The following FAM20C variants were observed in gnomAD, a reference collection of about 807,000 sequenced individuals.
FAM20C encodes extracellular serine/threonine protein kinase FAM20C.
Under a neutral mutation model 51.5 loss-of-function variants are expected in FAM20C, and 40 were observed. The ratio of observed to expected loss-of-function variants is 0.78; its 90% confidence interval spans 0.60 to 1.01. FAM20C has a LOEUF of 1.01. FAM20C is among the 50% of genes least tolerant of loss of function. The pLI is 0.00. For missense variants in FAM20C, 861 were observed against 844.7 expected (o/e 1.02, Z -0.24); for synonymous variants, 406 against 380.6 (o/e 1.07, Z -0.78).
chr7:212,715 G>A (rs558640085), intron 3 of FAM20C, among the ~76,000 whole-genome samples: 8 of 152,318 alleles, frequency 5.3e-5, no homozygotes, highest in South Asian at 2.1e-4. Context: ...TGAAAAGCAC[G>A]TAGCCGGCAC....
intron 2 of FAM20C, among the ~76,000 whole-genome samples, chr7:205,093 G>A (rs995103202): frequency 2.7e-4 from 41 of 152,216 alleles, no homozygotes; most frequent in Non-Finnish European, 5.9e-4. Context: ...AGGCACCACC[G>A]TACTCACCAG....
rs186754588 is a variant in FAM20C, at chr7:228,177, G to A, written c.864-18238G>A. 2.8e-4 allele frequency: 90 copies of A among 319,034 alleles called. 1 individual carries two copies. The highest frequency in any genetic ancestry group is 1.6e-3 in the African/African-American group (75 of 46,308). The allele number at this position is 319,034 out of a possible 1,614,324, so 19.8% of individuals were successfully genotyped here. On this transcript the variant is annotated intron_variant, in intron 3 of 9. Coordinates refer to ENST00000313766, the MANE Select transcript of FAM20C (RefSeq NM_020223.4). ...GAAACACCAGGGGGGAAAGCCATCC[G>A]CCTGGCATGGTTGTGATGAGGCCCG...
intron 3 of FAM20C, among the ~76,000 whole-genome samples, chr7:231,454 AG>A (rs958990447): frequency 6.6e-6 from 1 of 150,556 alleles, no homozygotes; most frequent in Non-Finnish European, 1.5e-5. Context: ...CCGTGGGAGG[AG>A]GGTCCCGGCG....
intron 3 of FAM20C, among the ~76,000 whole-genome samples, chr7:235,687 C>T (rs1054720493): frequency 0.033 from 5,050 of 152,302 alleles, 123 homozygotes; most frequent in Middle Eastern, 0.1. Flanking sequence ...CTGGAGCAGC[C>T]GGTCAGCTCA....
intron 3 of FAM20C, among the ~76,000 whole-genome samples, chr7:245,628 A>C (rs1308210378): frequency 6.6e-6 from 1 of 152,216 alleles, no homozygotes; most frequent in Non-Finnish European, 1.5e-5. Flanking sequence ...TTACACACTT[A>C]TGCTCAGACA....
At position 193,572 on chromosome 7, in the gene FAM20C, G is replaced by T; in HGVS notation, c.373G>T (p.Asp125Tyr). The T allele has an allele frequency of 6.7e-7, 1 of 1,500,226 alleles. No homozygotes were observed. 92.9% of individuals were successfully genotyped at this position (1,500,226 alleles called of 1,614,324 possible). Residue 125 changes from aspartate (D) to tyrosine (Y), a missense_variant, in exon 1 of 10, where the codon GAT becomes TAT. Asp to Tyr is a radical substitution (Grantham distance 160). Transcript: ENST00000313766. ...EPAERALRGR[D>Y]PGALRPHDPA... ...GGCCGAGCGCGCCTTGCGGGGGCGGGATCCCGGCGCCCTAAGACCCCACGA... is the reference window on the plus strand; with the variant it reads ...GGCCGAGCGCGCCTTGCGGGGGCGGTATCCCGGCGCCCTAAGACCCCACGA...
At chr7:206,075 C>T (rs545860295) in intron 2 of FAM20C, among the ~76,000 whole-genome samples, 101 of 152,240 alleles carry the variant, frequency 6.6e-4, no homozygotes, top group African/African-American at 2.3e-3. Flanking sequence ...CGTGGAGGAG[C>T]CGTGAGGTCC....
intron 3 of FAM20C, among the ~76,000 whole-genome samples, chr7:220,008 G>T (rs1428867553): frequency 6.6e-6 from 1 of 152,130 alleles, no homozygotes; most frequent in East Asian, 1.9e-4. Context: ...GGTGTGGGCC[G>T]GCCTCCAAGC....
At chr7:195,946 T>A (rs1239731791) in intron 2 of FAM20C, among the ~76,000 whole-genome samples, 1 of 152,186 alleles carries the variant, frequency 6.6e-6, no homozygotes, top group Non-Finnish European at 1.5e-5. Flanking sequence ...TGCCGCACGA[T>A]GAGCGGGGAG....
intron 3 of FAM20C, among the ~76,000 whole-genome samples, chr7:235,108 T>C (rs1787809984): frequency 6.6e-6 from 1 of 151,928 alleles, no homozygotes; most frequent in Admixed American, 6.6e-5. Context: ...TCAAACTGTT[T>C]ACACTGAGCC....
At chr7:233,285 T>C (rs955307850) in intron 3 of FAM20C, among the ~76,000 whole-genome samples, 26,291 of 152,204 alleles carry the variant, frequency 0.17, 5,246 homozygotes, top group African/African-American at 0.49. Flanking sequence ...TGTGTGGTTT[T>C]CTAAGTGTCA....
intron 8 of FAM20C, chr7:257,457 G>A (rs1421691503): frequency 3.7e-5 from 8 of 218,424 alleles, no homozygotes; most frequent in South Asian, 9.1e-5. Context: ...CGGCCTCTGC[G>A]GCCGCTGCTG....
chr7:209,109 T>A, intron 3 of FAM20C, 133 bp downstream of exon 3: 1 of 856,602 alleles, frequency 1.2e-6, no homozygotes, highest in Non-Finnish European at 1.9e-6. Context: ...CACTCTCAAC[T>A]CTCCCCGTCA....
intron 4 of FAM20C, among the ~76,000 whole-genome samples, chr7:247,768 C>T (rs1374004098): frequency 6.6e-6 from 1 of 152,154 alleles, no homozygotes; most frequent in Non-Finnish European, 1.5e-5. Flanking sequence ...CCAGGCGAGC[C>T]GTCTGACAGG....
At chr7:216,574 G>T (rs1035833467) in intron 3 of FAM20C, among the ~76,000 whole-genome samples, 1 of 151,820 alleles carries the variant, frequency 6.6e-6, no homozygotes. Flanking sequence ...AGAGACACCT[G>T]CCCTCCCTGC....
chr7:195,516 CT>C, intron 1 of FAM20C, 37 bp from the exon 2 acceptor site: 2 of 1,470,286 alleles, frequency 1.4e-6, no homozygotes, highest in Non-Finnish European at 1.8e-6. Context: ...CGGGCCTGTT[CT>C]TTCCATGCTG....
At chr7:256,145 G>T in intron 6 of FAM20C, 116 bp downstream of exon 6, 2 of 1,243,474 alleles carry the variant, frequency 1.6e-6, no homozygotes, top group South Asian at 3.0e-5. Flanking sequence ...TGCAGAGCCT[G>T]CTGTGCGATG....
intron 3 of FAM20C, among the ~76,000 whole-genome samples, chr7:210,870 C>T (rs1301702979): frequency 6.6e-6 from 1 of 152,160 alleles, no homozygotes; most frequent in Non-Finnish European, 1.5e-5. Context: ...AACCCAGGCC[C>T]TGCGGGAACC....
At chr7:198,553 A>G (rs182878921) in intron 2 of FAM20C, among the ~76,000 whole-genome samples, 43 of 152,348 alleles carry the variant, frequency 2.8e-4, no homozygotes, top group Non-Finnish European at 4.9e-4. Context: ...TCTGAGGAAC[A>G]GGAGTGGGTT....
Sources: allele counts gnomAD v4.1 joint callset (sites outside exome capture counted in the v4.1 genomes callset), GRCh38; gene constraint gnomAD v4.1.1; transcripts MANE v1.5; gene names NCBI Gene and HGNC (gene_info 2026-07-23, HGNC 2026-07-21).